GSE1: variants seen among roughly 807,000 people sequenced by gnomAD.
GSE1 encodes the protein genetic suppressor element 1.
In GSE1, 32 loss-of-function variants were observed where a neutral mutation model predicts 112.6. The observed-to-expected ratio is 0.28, with a 90% CI of 0.21 to 0.38. GSE1 has a LOEUF of 0.38. Among genes scored for constraint, GSE1 ranks in the 10% least tolerant of loss-of-function variants. The pLI is 1.00. For synonymous variants in GSE1, 1,115 were observed against 735.6 expected, an observed-to-expected ratio of 1.52 and a Z score of -8.35; for missense variants, 2,348 against 1,699.2, an observed-to-expected ratio of 1.38 and a Z score of -6.71.
intron 1 of GSE1, among the ~76,000 whole-genome samples, chr16:85,615,297 A>T (rs1248662133): frequency 2.0e-5 from 3 of 152,160 alleles, no homozygotes; most frequent in Non-Finnish European, 2.9e-5. Context: ...CCGCCCAGGT[A>T]GATTCAGGAG....
chr16:85,647,739 A>C (rs1048530382), intron 2 of GSE1, among the ~76,000 whole-genome samples: 2 of 152,182 alleles, frequency 1.3e-5, no homozygotes, highest in Admixed American at 6.5e-5. Context: ...GGCGCGCGCC[A>C]TCACGCCCGG....
chr16:85,473,205 C>G (rs1324044899), intron 2 of GSE1, among the ~76,000 whole-genome samples: 1 of 152,224 alleles, frequency 6.6e-6, no homozygotes, highest in Admixed American at 6.5e-5. Flanking sequence ...TGCACTGAGA[C>G]AGCATTGAGT....
chr16:85,624,695 C>T (rs1456113836), intron 1 of GSE1, among the ~76,000 whole-genome samples: 4 of 152,230 alleles, frequency 2.6e-5, no homozygotes, highest in East Asian at 1.9e-4. Flanking sequence ...TCCGTTCAGC[C>T]TCTGTAGGCT....
intron 2 of GSE1, among the ~76,000 whole-genome samples, chr16:85,446,932 G>T (rs926452626): frequency 6.6e-6 from 1 of 152,080 alleles, no homozygotes; most frequent in Admixed American, 6.6e-5. Context: ...TGCTCTGTGT[G>T]CCTGCTCCCT....
chr16:85,398,098 C>G (rs1456413439), intron 2 of GSE1, among the ~76,000 whole-genome samples: 1 of 152,136 alleles, frequency 6.6e-6, no homozygotes, highest in Non-Finnish European at 1.5e-5. Flanking sequence ...TATCTTGGAG[C>G]TAGGTCTCCA....
At chr16:85,260,046 G>A (rs540236715) in intron 1 of GSE1, among the ~76,000 whole-genome samples, 13 of 152,210 alleles carry the variant, frequency 8.5e-5, no homozygotes, top group Non-Finnish European at 1.3e-4. Context: ...CGGAGATGAG[G>A]CAGTGGAGGA....
At chr16:85,633,701 T>C (rs2049741755) in intron 1 of GSE1, among the ~76,000 whole-genome samples, 1 of 152,172 alleles carries the variant, frequency 6.6e-6, no homozygotes, top group Non-Finnish European at 1.5e-5. Flanking sequence ...TGGGGGCCTC[T>C]TGGGTCTGTG....
intron 2 of GSE1, among the ~76,000 whole-genome samples, chr16:85,434,342 A>ATCATCATCATCATC (rs60865079): frequency 1.4e-4 from 18 of 126,186 alleles, no homozygotes; most frequent in Non-Finnish European, 2.3e-4. Flanking sequence ...TAATAATAAT[A>ATCATCATCATCATC]ATAATCAGTG....
intron 2 of GSE1, among the ~76,000 whole-genome samples, chr16:85,638,054 C>T (rs903678424): frequency 2.0e-5 from 3 of 152,292 alleles, no homozygotes; most frequent in Non-Finnish European, 2.9e-5. Context: ...TGCCCTGGGC[C>T]CCAGCCGCCT....
intron 2 of GSE1, among the ~76,000 whole-genome samples, chr16:85,390,413 G>A (rs1466857877): frequency 1.3e-5 from 2 of 152,154 alleles, no homozygotes; most frequent in African/African-American, 2.4e-5. Flanking sequence ...CCCCAGGGCT[G>A]TGCCTGGCCG....
At chr16:85,283,704 T>G (rs905303894) in intron 1 of GSE1, 19 of 152,258 alleles carry the variant, frequency 1.2e-4, no homozygotes, top group African/African-American at 4.6e-4. Flanking sequence ...AAACAGTATT[T>G]ATGGCTGTTG....
intron 2 of GSE1, among the ~76,000 whole-genome samples, chr16:85,522,355 C>T (rs1162258663): frequency 1.3e-5 from 2 of 151,322 alleles, no homozygotes; most frequent in African/African-American, 2.4e-5. Flanking sequence ...CACCCCATAG[C>T]CCCCTGCCCC....
chr16:85,309,755 G>C (rs550260871), intron 1 of GSE1, among the ~76,000 whole-genome samples: 9 of 152,312 alleles, frequency 5.9e-5, no homozygotes, highest in Admixed American at 5.9e-4. Flanking sequence ...AGAGCCGAGC[G>C]GCAGGCTGAG....
intron 1 of GSE1, among the ~76,000 whole-genome samples, chr16:85,339,614 G>A (rs1018179899): frequency 4.6e-4 from 69 of 151,182 alleles, no homozygotes; most frequent in African/African-American, 1.6e-3. Context: ...GTGGATGTGC[G>A]GAGGGGGAGG....
At position 85,301,119 on chromosome 16, in the gene GSE1, G is replaced by A. The variant is rs2045511916; in HGVS notation, c.2284-56344G>A. Among the ~76,000 whole-genome samples the A allele has an allele frequency of 2.0e-5, 3 of 152,194 alleles. No homozygotes were observed. The South Asian group carries it at 6.2e-4, about 31-fold the overall frequency. ...CTTCCCCAGACCCCCAGGCCTGGTG[G>A]GGCGCTCCCTCTCCCATCACATGGC... On this transcript the variant is annotated intron_variant, in intron 1 of 2. Transcript: ENST00000637419.
chr16:85,613,336 C>G lies in GSE1; in HGVS notation c.-56C>G. 7 of 1,558,676 alleles carry G rather than the reference C, an allele frequency of 4.5e-6. No individual in the cohort carries two copies. Among genetic ancestry groups the G allele is most frequent in the Non-Finnish European group, 6.1e-6 (7 of 1,151,856 alleles). ...GTGAGATAAGCAGTTTAGACAAACACTGGGCGACGGTGGCTCCAGCATGTA... is the reference window on the plus strand; with the variant it reads ...GTGAGATAAGCAGTTTAGACAAACAGTGGGCGACGGTGGCTCCAGCATGTA... On this transcript the variant is annotated 5_prime_UTR_variant, in exon 1 of 16. Transcript: ENST00000253458.
chr16:85,227,254 G>A (rs188200352), intron 1 of GSE1, among the ~76,000 whole-genome samples: 17 of 152,316 alleles, frequency 1.1e-4, no homozygotes, highest in Admixed American at 7.2e-4. Context: ...GGGAAGGCCT[G>A]TTCTTCATGC....
chr16:85,368,649 G>C (rs2047234585), intron 2 of GSE1, among the ~76,000 whole-genome samples: 1 of 152,224 alleles, frequency 6.6e-6, no homozygotes, highest in Non-Finnish European at 1.5e-5. Flanking sequence ...AGGCTGCAGT[G>C]AGCCATGCTT....
intron 1 of GSE1, among the ~76,000 whole-genome samples, chr16:85,305,200 G>C (rs930012378): frequency 2.6e-4 from 40 of 152,318 alleles, no homozygotes; most frequent in African/African-American, 9.4e-4. Context: ...CACCTGGAGA[G>C]CTCTCCACAA....
Sources: allele counts gnomAD v4.1 joint callset (sites outside exome capture counted in the v4.1 genomes callset), GRCh38; gene constraint gnomAD v4.1.1; transcripts MANE v1.5; gene names NCBI Gene and HGNC (gene_info 2026-07-23, HGNC 2026-07-21).